XKR4: variants seen among roughly 807,000 people sequenced by gnomAD.
XKR4 encodes XK-related protein 4.
In XKR4, 12 loss-of-function variants were observed where a neutral mutation model predicts 53.9. The ratio of observed to expected loss-of-function variants is 0.22; its 90% CI spans 0.14 to 0.36. The LOEUF is 0.36. XKR4 is among the 10% of genes least tolerant of loss of function. The pLI, the probability that XKR4 is intolerant of heterozygous loss-of-function variation, is 1.00. For synonymous variants in XKR4, 354 were observed against 362.4 expected (o/e 0.98, Z 0.26); for missense variants, 799 against 859.5 (o/e 0.93, Z 0.88).
chr8:55,140,696 A>G (rs574222111), intron 1 of XKR4, among the ~76,000 whole-genome samples: 136 of 152,332 alleles, frequency 8.9e-4, no homozygotes, highest in Non-Finnish European at 1.7e-3. Flanking sequence ...AGCAGCTCCC[A>G]GAGCATGGCC....
chr8:55,181,627 T>A (rs1473046452), intron 1 of XKR4, among the ~76,000 whole-genome samples: 1 of 152,118 alleles, frequency 6.6e-6, no homozygotes, highest in Non-Finnish European at 1.5e-5. Flanking sequence ...GAGGCAGTAA[T>A]CCTATTAGAA....
chr8:55,359,042 T>C (rs1479387529), intron 2 of XKR4, among the ~76,000 whole-genome samples: 1 of 152,226 alleles, frequency 6.6e-6, no homozygotes, highest in African/African-American at 2.4e-5. Flanking sequence ...AGTTTCACAC[T>C]AGAATAGCTT....
intron 2 of XKR4, among the ~76,000 whole-genome samples, chr8:55,364,634 G>T (rs775968523): frequency 0.058 from 8,846 of 151,510 alleles, 683 homozygotes; most frequent in African/African-American, 0.19. Context: ...GTTTTGTTGG[G>T]GTTTTTTTTG....
intron 1 of XKR4, among the ~76,000 whole-genome samples, chr8:55,203,096 A>C (rs998162528): frequency 3.9e-5 from 6 of 152,364 alleles, no homozygotes; most frequent in African/African-American, 1.4e-4. Context: ...CTTGGCACAG[A>C]ATAGCTACCA....
At chr8:55,269,642 C>T (rs531368878) in intron 1 of XKR4, among the ~76,000 whole-genome samples, 2 of 152,102 alleles carry the variant, frequency 1.3e-5, no homozygotes, top group Non-Finnish European at 2.9e-5. Context: ...AATAACAGCT[C>T]AGAGCCAAGT....
chr8:55,180,781 C>T (rs530991728), intron 1 of XKR4, among the ~76,000 whole-genome samples: 60 of 152,328 alleles, frequency 3.9e-4, no homozygotes, highest in African/African-American at 1.3e-3. Flanking sequence ...GTTCCACCCG[C>T]CTTGGCCTCC....
At chr8:55,257,035 G>A (rs373111012) in intron 1 of XKR4, among the ~76,000 whole-genome samples, 13 of 152,242 alleles carry the variant, frequency 8.5e-5, no homozygotes, top group African/African-American at 2.4e-4. Flanking sequence ...ATTCATGAGG[G>A]TGGAGCCCTC....
At chr8:55,348,505 G>GT (rs1429394330) in intron 1 of XKR4, among the ~76,000 whole-genome samples, 1 of 152,202 alleles carries the variant, frequency 6.6e-6, no homozygotes, top group Non-Finnish European at 1.5e-5. Context: ...TTCTCTTCAA[G>GT]TGTGCAAAGG....
chr8:55,370,051 C>A (rs1804051038), intron 2 of XKR4, among the ~76,000 whole-genome samples: 1 of 152,038 alleles, frequency 6.6e-6, no homozygotes, highest in Non-Finnish European at 1.5e-5. Flanking sequence ...AAGAGCGAGA[C>A]CCCCATCTGT....
intron 1 of XKR4, among the ~76,000 whole-genome samples, chr8:55,315,822 T>G (rs1343538514): frequency 6.6e-6 from 1 of 152,190 alleles, no homozygotes; most frequent in Non-Finnish European, 1.5e-5. Context: ...TTTAATGCAC[T>G]TTCCATATTT....
At chr8:55,444,741 G>T (rs921922556) in intron 2 of XKR4, among the ~76,000 whole-genome samples, 1 of 152,168 alleles carries the variant, frequency 6.6e-6, no homozygotes, top group Admixed American at 6.5e-5. Flanking sequence ...GTTACTTTAT[G>T]TATTTTATGT....
chr8:55,130,712 G>A (rs1330258623), intron 1 of XKR4, among the ~76,000 whole-genome samples: 1 of 152,120 alleles, frequency 6.6e-6, no homozygotes, highest in African/African-American at 2.4e-5. Context: ...TATCTATGAG[G>A]GGGTTCATGT....
intron 1 of XKR4, among the ~76,000 whole-genome samples, chr8:55,217,595 G>T (rs1275326456): frequency 6.6e-6 from 1 of 152,162 alleles, no homozygotes; most frequent in Non-Finnish European, 1.5e-5. Context: ...CACTGATGTG[G>T]TATATTCAAA....
intron 1 of XKR4, among the ~76,000 whole-genome samples, chr8:55,118,650 A>G (rs1200876899): frequency 6.6e-6 from 1 of 152,236 alleles, no homozygotes; most frequent in African/African-American, 2.4e-5. Flanking sequence ...TCTAAAAATC[A>G]AAAGAATTCC....
intron 2 of XKR4, among the ~76,000 whole-genome samples, chr8:55,412,909 C>A (rs192197850): frequency 3.9e-5 from 6 of 152,320 alleles, no homozygotes; most frequent in Admixed American, 3.3e-4. Context: ...GAAGAAATTT[C>A]TGGAGCTGTC....
At chr8:55,395,188 A>G (rs1585554029) in intron 2 of XKR4, among the ~76,000 whole-genome samples, 1 of 152,084 alleles carries the variant, frequency 6.6e-6, no homozygotes, top group Non-Finnish European at 1.5e-5. Context: ...AAGGAAAGGA[A>G]AGTTAGGAAT....
chr8:55,115,787 C>T (rs192332258), intron 1 of XKR4, among the ~76,000 whole-genome samples: 1 of 152,120 alleles, frequency 6.6e-6, no homozygotes. Context: ...CACACACACA[C>T]AAAAAGTCCA....
chr8:55,466,115 G>T, intron 2 of XKR4, among the ~76,000 whole-genome samples: 1 of 152,108 alleles, frequency 6.6e-6, no homozygotes, highest in Non-Finnish European at 1.5e-5. Context: ...AATACCATTT[G>T]ACCCAGCCAT....
At chr8:55,141,993 T>C (rs894742776) in intron 1 of XKR4, 2 of 437,552 alleles carry the variant, frequency 4.6e-6, no homozygotes, top group Non-Finnish European at 9.2e-6. Flanking sequence ...CCAGGGGTGA[T>C]AAAGCCATCT....
Sources: gnomAD v4.1 joint callset for allele counts (sites outside exome capture counted in the v4.1 genomes callset) on GRCh38, gnomAD v4.1.1 for gene constraint, MANE v1.5 for transcripts, NCBI Gene and HGNC (gene_info 2026-07-23, HGNC 2026-07-21) for gene names.